Variants in FRY observed in about 807,000 individuals in gnomAD.
The protein encoded by FRY is protein furry homolog.
FRY carries 128 observed loss-of-function variants against 348.4 expected under a neutral mutation model. The observed-to-expected ratio is 0.37, with a 90% CI of 0.32 to 0.43. The LOEUF is 0.43. FRY is among the 20% of genes least tolerant of loss of function. The pLI is 1.00. For missense variants in FRY, 2,736 were observed against 3,695.2 expected (o/e 0.74, Z 6.73); for synonymous variants, 1,370 against 1,374.7 (o/e 1.00, Z 0.08).
At chr13:32,214,544 G>A (rs573333966) in intron 35 of FRY, among the ~76,000 whole-genome samples, 9 of 152,274 alleles carry the variant, frequency 5.9e-5, no homozygotes, top group East Asian at 3.9e-4. Flanking sequence ...TTGGACACCC[G>A]CGTCTTACAC....
At chr13:32,218,427 T>A (rs1304248708) in intron 35 of FRY, among the ~76,000 whole-genome samples, 2 of 152,186 alleles carry the variant, frequency 1.3e-5, no homozygotes, top group African/African-American at 4.8e-5. Flanking sequence ...ACGCCTGTAA[T>A]CTCAGCACTC....
intron 2 of FRY, among the ~76,000 whole-genome samples, chr13:32,085,472 G>A (rs191728719): frequency 2.0e-5 from 3 of 152,304 alleles, no homozygotes; most frequent in East Asian, 1.9e-4. Context: ...TGACTGATCC[G>A]GATTTGACTC....
chr13:32,055,371 A>G (rs1873567088), intron 1 of FRY, among the ~76,000 whole-genome samples: 1 of 152,234 alleles, frequency 6.6e-6, no homozygotes, highest in East Asian at 1.9e-4. Flanking sequence ...AAACCCTCCT[A>G]TGGATTCCTC....
chr13:32,274,703 CAAAAAA>C (rs397723164), intron 55 of FRY, 133 bp from the exon 56 acceptor site: 755 of 304,976 alleles, frequency 2.5e-3, no homozygotes, highest in Middle Eastern at 4.3e-3. Context: ...GATTCTGTCT[CAAAAAA>C]AAAAAAAAAA....
chr13:32,275,459 T>A (rs936095654), intron 56 of FRY, among the ~76,000 whole-genome samples: 1 of 152,216 alleles, frequency 6.6e-6, no homozygotes, highest in Non-Finnish European at 1.5e-5. Flanking sequence ...CTCAAAGGTC[T>A]GCAATATAAA....
intron 1 of FRY, among the ~76,000 whole-genome samples, chr13:32,074,556 G>A (rs919652647): frequency 6.6e-6 from 1 of 152,222 alleles, no homozygotes; most frequent in Non-Finnish European, 1.5e-5. Flanking sequence ...AATAAAGGCA[G>A]ATGGAGTTGG....
In FRY at chr13:32,237,946, A is replaced by G. The variant is rs1886300533; in HGVS notation, c.6378A>G (p.Pro2126=). Reference sequence around the variant, plus strand: ...TGCAGCTCTTCAGTCTGCTGACACCAGTGTCCAAAATATCCATGGTGGATG... The same window carrying G: ...TGCAGCTCTTCAGTCTGCTGACACCGGTGTCCAAAATATCCATGGTGGATG... The part of the protein sequence containing the change: ...LTLQLFSLLT[P]VSKISMVDAS... Residue 2126 remains proline (P), a synonymous_variant, in exon 44 of 61, where the codon CCA becomes CCG. Transcript: ENST00000542859. The surrounding 1 kb of genome is among the most constrained non-coding windows in gnomAD (Gnocchi z 6.3). 1.2e-6 allele frequency: 2 copies of G among 1,614,008 alleles called. No homozygotes were observed. Among genetic ancestry groups the G allele is most frequent in the Non-Finnish European group, 1.7e-6 (2 of 1,180,004 alleles).
chr13:32,172,018 A>G (rs61946733), intron 18 of FRY, among the ~76,000 whole-genome samples: 1 of 5,080 alleles, frequency 2.0e-4, no homozygotes, highest in Non-Finnish European at 3.8e-4. Context: ...TGTGATATGG[A>G]TGTGGATATA....
chr13:32,168,157 C>G (rs1881856099), intron 17 of FRY, among the ~76,000 whole-genome samples: 1 of 152,166 alleles, frequency 6.6e-6, no homozygotes, highest in Admixed American at 6.6e-5. Context: ...CCAGTGCTGC[C>G]ATTCTTGTCT....
At chr13:32,218,677 C>CAAAA (rs10717683) in intron 35 of FRY, 72 bp from the exon 36 acceptor site, 958 of 575,144 alleles carry the variant, frequency 1.7e-3, no homozygotes, top group Middle Eastern at 3.3e-3. Context: ...GACTCCAACT[C>CAAAA]AAAAAAAAAA....
At chr13:32,031,997 T>TTTA (rs1555245463) in intron 1 of FRY, 132 bp downstream of exon 1, 1 of 529,092 alleles carries the variant, frequency 1.9e-6, no homozygotes, top group Non-Finnish European at 3.3e-6. Context: ...TTCTTTTCTT[T>TTTA]TCTCTTTCTT....
chr13:32,055,440 G>A (rs1394770562), intron 1 of FRY, among the ~76,000 whole-genome samples: 5 of 152,184 alleles, frequency 3.3e-5, no homozygotes, highest in Admixed American at 6.5e-5. Context: ...ATATTCCCAA[G>A]GGCCATCAGT....
intron 31 of FRY, among the ~76,000 whole-genome samples, chr13:32,205,202 C>CAAAAA (rs35930899): frequency 1.2e-4 from 9 of 77,788 alleles, no homozygotes; most frequent in East Asian, 4.1e-4. Flanking sequence ...GACTCTGTCT[C>CAAAAA]AAAAAAAAAA....
At chr13:32,046,493 A>G (rs1241392908) in intron 1 of FRY, among the ~76,000 whole-genome samples, 5 of 152,232 alleles carry the variant, frequency 3.3e-5, no homozygotes, top group Non-Finnish European at 7.3e-5. Flanking sequence ...AAGTTAACAC[A>G]GTCTGGAAGA....
intron 58 of FRY, among the ~76,000 whole-genome samples, chr13:32,282,727 G>A (rs1387899410): frequency 6.6e-6 from 1 of 152,206 alleles, no homozygotes; most frequent in African/African-American, 2.4e-5. Context: ...ACATAAAGTT[G>A]TAGACCTAAG....
intron 1 of FRY, among the ~76,000 whole-genome samples, chr13:32,048,229 C>G (rs1427797879): frequency 6.6e-6 from 1 of 152,100 alleles, no homozygotes; most frequent in Non-Finnish European, 1.5e-5. Flanking sequence ...AGCATGTCGC[C>G]CCTCAGTGGA....
chr13:32,287,164 CAA>C (rs373301111), intron 58 of FRY, among the ~76,000 whole-genome samples: 49 of 110,958 alleles, frequency 4.4e-4, no homozygotes, highest in Admixed American at 5.5e-4. Flanking sequence ...GACTCCATCT[CAA>C]AAAAAAAAAA....
chr13:32,047,590 T>G (rs1208401), intron 1 of FRY, among the ~76,000 whole-genome samples: 82,835 of 144,736 alleles, frequency 0.57, 24,590 homozygotes, highest in Non-Finnish European at 0.64. Context: ...TTGGGGGGGG[T>G]GCAGAGTTTC....
intron 58 of FRY, 31 bp downstream of exon 58, chr13:32,278,579 G>A: frequency 1.8e-6 from 2 of 1,110,630 alleles, no homozygotes; most frequent in African/African-American, 1.5e-5. Flanking sequence ...TGGGTCTCTT[G>A]TGTGCTCTAA....
Sources: allele counts gnomAD v4.1 joint callset (sites outside exome capture counted in the v4.1 genomes callset), GRCh38; gene constraint gnomAD v4.1.1; non-coding constraint Gnocchi (gnomAD v3.1); transcripts MANE v1.5; gene names NCBI Gene and HGNC (gene_info 2026-07-23, HGNC 2026-07-21).